SLC24A2: variants seen among roughly 807,000 people sequenced by gnomAD.
The protein encoded by SLC24A2 is sodium/potassium/calcium exchanger 2.
In SLC24A2, 36 loss-of-function variants were observed where a neutral mutation model predicts 62.0. The ratio of observed to expected loss-of-function variants is 0.58; its 90% CI spans 0.44 to 0.77. SLC24A2 has a LOEUF of 0.77. Among genes scored for constraint, SLC24A2 ranks in the 30% least tolerant of loss-of-function variants. SLC24A2 has a pLI of 0.00. For missense variants in SLC24A2, 846 were observed against 817.9 expected, an observed-to-expected ratio of 1.03 and a Z score of -0.42; for synonymous variants, 358 against 294.0, an observed-to-expected ratio of 1.22 and a Z score of -2.23.
intron 2 of SLC24A2, among the ~76,000 whole-genome samples, chr9:19,623,226 GA>G (rs1319657137): frequency 1.3e-5 from 2 of 152,106 alleles, no homozygotes; most frequent in Non-Finnish European, 2.9e-5. Flanking sequence ...CTCATACTTA[GA>G]CAGCACCTTC....
intron 2 of SLC24A2, among the ~76,000 whole-genome samples, chr9:19,761,189 T>C (rs1271246250): frequency 6.6e-6 from 1 of 152,228 alleles, no homozygotes; most frequent in Non-Finnish European, 1.5e-5. Context: ...ATTAGATTGC[T>C]GGGTCAAATG....
chr9:19,884,584 T>C, the SLC24A2 span, among the ~76,000 whole-genome samples: 4 of 152,214 alleles, frequency 2.6e-5, no homozygotes, highest in Non-Finnish European at 1.5e-5. Context: ...TATATATTCC[T>C]AAAATATATT....
At chr9:20,193,584 G>A in the SLC24A2 span, among the ~76,000 whole-genome samples, 1 of 151,948 alleles carries the variant, frequency 6.6e-6, no homozygotes, top group Admixed American at 6.6e-5. Flanking sequence ...TAATATATAA[G>A]CAAATGTCTA....
At chr9:19,793,534 C>T (rs1238664316), upstream of SLC24A2, among the ~76,000 whole-genome samples, 2 of 152,192 alleles carry the variant, frequency 1.3e-5, no homozygotes, top group Admixed American at 6.5e-5. Flanking sequence ...CCACAATGGG[C>T]ATCAGTGGTG....
At position 19,768,141 on chromosome 9, in the gene SLC24A2, C is replaced by T. The variant is rs193263636; in HGVS notation, c.930+17796G>A. On this transcript the variant is annotated intron_variant, in intron 2 of 10. Transcript: ENST00000341998. ...ACCCAATCACCTCTTAAAGGCCCCA[C>T]CTCTCAATACTGCCACATTGGGAAT... Among the ~76,000 whole-genome samples the T allele has an allele frequency of 1.7e-4, 26 of 152,320 alleles. No homozygotes were observed. The East Asian group carries it at 4.8e-3, about 28-fold the overall frequency.
At chr9:20,249,349 T>A in the SLC24A2 span, among the ~76,000 whole-genome samples, 1 of 152,156 alleles carries the variant, frequency 6.6e-6, no homozygotes, top group Non-Finnish European at 1.5e-5. Context: ...AGCCTCAGTT[T>A]TCTCATCTGT....
At chr9:20,240,463 C>A in the SLC24A2 span, among the ~76,000 whole-genome samples, 1 of 152,282 alleles carries the variant, frequency 6.6e-6, no homozygotes, top group South Asian at 2.1e-4. Flanking sequence ...TCCCAAGCAT[C>A]ACGCTGTGGG....
At chr9:20,142,095 T>A in the SLC24A2 span, among the ~76,000 whole-genome samples, 12 of 152,034 alleles carry the variant, frequency 7.9e-5, no homozygotes, top group Admixed American at 1.3e-4. Flanking sequence ...TAATAATAAT[T>A]ATTATTATTT....
chr9:19,826,445 T>C, the SLC24A2 span, among the ~76,000 whole-genome samples: 1 of 152,124 alleles, frequency 6.6e-6, no homozygotes, highest in Admixed American at 6.5e-5. Flanking sequence ...TCTTACTTGA[T>C]TCATGCTGCC....
At chr9:20,273,209 G>A in the SLC24A2 span, among the ~76,000 whole-genome samples, 1 of 152,140 alleles carries the variant, frequency 6.6e-6, no homozygotes, top group African/African-American at 2.4e-5. Flanking sequence ...AAGCAGAAAG[G>A]TCACCCTCAG....
At chr9:19,545,853 G>T (rs866993715) in intron 8 of SLC24A2, among the ~76,000 whole-genome samples, 1 of 152,054 alleles carries the variant, frequency 6.6e-6, no homozygotes, top group African/African-American at 2.4e-5. Context: ...TAGCCAGGAT[G>T]GTCTCAATCT....
At chr9:20,063,431 G>C in the SLC24A2 span, among the ~76,000 whole-genome samples, 2 of 140,340 alleles carry the variant, frequency 1.4e-5, no homozygotes, top group Non-Finnish European at 3.0e-5. Flanking sequence ...TCATAGGTGG[G>C]AATTGAACAA....
At chr9:19,766,102 G>C (rs1180265358) in intron 2 of SLC24A2, among the ~76,000 whole-genome samples, 1 of 152,016 alleles carries the variant, frequency 6.6e-6, no homozygotes, top group Admixed American at 6.6e-5. Context: ...ATTGATACTT[G>C]AGTATGCTTC....
the SLC24A2 span, among the ~76,000 whole-genome samples, chr9:20,299,675 C>G: frequency 6.6e-6 from 1 of 152,224 alleles, no homozygotes; most frequent in Admixed American, 6.5e-5. Flanking sequence ...CTTACCCCCA[C>G]TACTAGGACC....
chr9:19,518,019 G>A (rs1050838536), intron 10 of SLC24A2, among the ~76,000 whole-genome samples: 5 of 151,182 alleles, frequency 3.3e-5, no homozygotes, highest in Admixed American at 6.6e-5. Flanking sequence ...AAAACCTTTC[G>A]GGGGAAAATG....
At chr9:20,189,228 A>G in the SLC24A2 span, among the ~76,000 whole-genome samples, 1 of 152,100 alleles carries the variant, frequency 6.6e-6, no homozygotes, top group Non-Finnish European at 1.5e-5. Flanking sequence ...ACTACTCCAC[A>G]CAAGAATGCT....
the SLC24A2 span, among the ~76,000 whole-genome samples, chr9:20,116,896 CCA>C: frequency 4.6e-4 from 70 of 152,072 alleles, no homozygotes; most frequent in Non-Finnish European, 7.8e-4. Flanking sequence ...ACAAAAGCAG[CCA>C]CAGTCAGGTT....
At chr9:20,305,086 G>A in the SLC24A2 span, among the ~76,000 whole-genome samples, 337 of 151,418 alleles carry the variant, frequency 2.2e-3, no homozygotes, top group African/African-American at 7.7e-3. Flanking sequence ...TAAAGAAAGC[G>A]GATTCTACCA....
chr9:19,544,796 C>A (rs1246187315), intron 8 of SLC24A2, among the ~76,000 whole-genome samples: 1 of 152,192 alleles, frequency 6.6e-6, no homozygotes, highest in Non-Finnish European at 1.5e-5. Context: ...GAGAGATCTG[C>A]TGTTGGTCTG....
Sources: allele counts gnomAD v4.1 joint callset (sites outside exome capture counted in the v4.1 genomes callset), GRCh38; gene constraint gnomAD v4.1.1; transcripts MANE v1.5; gene names NCBI Gene and HGNC (gene_info 2026-07-23, HGNC 2026-07-21).